The following CTNNA2 variants were observed in gnomAD, a reference collection of about 807,000 sequenced individuals.
The protein encoded by CTNNA2 is catenin alpha-2.
CTNNA2 carries 42 observed loss-of-function variants against 101.0 expected under a neutral mutation model. The observed-to-expected ratio is 0.42, with a 90% CI of 0.32 to 0.54. CTNNA2 has a LOEUF of 0.54. Ranked by LOEUF, CTNNA2 falls within the 20% of genes least tolerant of loss-of-function variation. The pLI, the probability that CTNNA2 is intolerant of heterozygous loss-of-function variation, is 0.14. For missense variants in CTNNA2, 871 were observed against 1,223.1 expected (o/e 0.71, Z 4.29); for synonymous variants, 450 against 456.4 (o/e 0.99, Z 0.18).
chr2:79,861,602 T>C (rs72916697), intron 4 of CTNNA2, among the ~76,000 whole-genome samples: 1,701 of 152,324 alleles, frequency 0.011, 41 homozygotes, highest in African/African-American at 0.039. Flanking sequence ...AGATAACACA[T>C]AGGTATCTTA....
At chr2:79,866,144 A>G (rs760194609) in intron 4 of CTNNA2, among the ~76,000 whole-genome samples, 10 of 152,214 alleles carry the variant, frequency 6.6e-5, no homozygotes, top group African/African-American at 9.6e-5. Flanking sequence ...GGCTTGCTTT[A>G]GGAATGGTGG....
chr2:79,914,124 G>A (rs1298286257), intron 7 of CTNNA2, among the ~76,000 whole-genome samples: 12 of 133,782 alleles, frequency 9.0e-5, no homozygotes, highest in African/African-American at 2.6e-4. Context: ...CCGAGATCCC[G>A]CCACTGCACT....
intron 7 of CTNNA2, among the ~76,000 whole-genome samples, chr2:80,297,218 C>A (rs1294818553): frequency 6.6e-6 from 1 of 152,172 alleles, no homozygotes; most frequent in Non-Finnish European, 1.5e-5. Context: ...CAGTCTAGTT[C>A]TAGGCTCTTT....
chr2:79,510,172 CAATG>C (rs1406962135), upstream of CTNNA2, among the ~76,000 whole-genome samples: 1 of 152,090 alleles, frequency 6.6e-6, no homozygotes. Flanking sequence ...ATACCTTTAA[CAATG>C]ATCCTTTTGT....
chr2:80,054,892 A>G (rs1297562670), intron 7 of CTNNA2, among the ~76,000 whole-genome samples: 1 of 152,132 alleles, frequency 6.6e-6, no homozygotes, highest in Non-Finnish European at 1.5e-5. Flanking sequence ...CTTAGTTTTT[A>G]GTTTCCCATC....
chr2:80,444,910 G>C (rs946117372), intron 9 of CTNNA2, among the ~76,000 whole-genome samples: 1 of 152,114 alleles, frequency 6.6e-6, no homozygotes, highest in Non-Finnish European at 1.5e-5. Context: ...AGGCTAAGCT[G>C]TTTAGCAGCA....
At chr2:80,343,377 C>T (rs1672410405) in intron 7 of CTNNA2, among the ~76,000 whole-genome samples, 1 of 147,894 alleles carries the variant, frequency 6.8e-6, no homozygotes, top group African/African-American at 2.5e-5. Context: ...CTTTGACTGA[C>T]TTTGTCATTT....
intron 1 of CTNNA2, among the ~76,000 whole-genome samples, chr2:79,529,180 G>T (rs1434705381): frequency 6.6e-6 from 1 of 152,144 alleles, no homozygotes; most frequent in Non-Finnish European, 1.5e-5. Flanking sequence ...ACAGTTGCCA[G>T]AGTGCATAGA....
chr2:80,126,939 A>C (rs1005594624), intron 7 of CTNNA2, among the ~76,000 whole-genome samples: 7 of 152,148 alleles, frequency 4.6e-5, no homozygotes, highest in African/African-American at 1.7e-4. Flanking sequence ...TAGGAATGGG[A>C]ACTCTGTTCT....
chr2:79,597,861 A>G (rs997131919), intron 1 of CTNNA2, among the ~76,000 whole-genome samples: 3 of 152,202 alleles, frequency 2.0e-5, no homozygotes, highest in African/African-American at 4.8e-5. Flanking sequence ...GGAGAAATGT[A>G]TAATAACATG....
chr2:80,586,807 C>T (rs1696012780), intron 14 of CTNNA2, among the ~76,000 whole-genome samples: 1 of 152,184 alleles, frequency 6.6e-6, no homozygotes, highest in African/African-American at 2.4e-5. Context: ...TCCAAACATA[C>T]ATACACATGC....
At chr2:80,134,570 T>C (rs1702589740) in intron 7 of CTNNA2, among the ~76,000 whole-genome samples, 1 of 152,178 alleles carries the variant, frequency 6.6e-6, no homozygotes. Context: ...ATTATTCAGA[T>C]GCACAGGGCA....
chr2:79,873,553 C>T (rs1246440425), intron 5 of CTNNA2, among the ~76,000 whole-genome samples: 1 of 151,892 alleles, frequency 6.6e-6, no homozygotes, highest in African/African-American at 2.4e-5. Context: ...TCAGTGGAGC[C>T]CTGTCAGGTG....
At chr2:80,352,469 G>C (rs954678436) in intron 7 of CTNNA2, among the ~76,000 whole-genome samples, 2 of 152,108 alleles carry the variant, frequency 1.3e-5, no homozygotes, top group African/African-American at 4.8e-5. Context: ...TTGGTGATTA[G>C]AAAGCCAACT....
intron 7 of CTNNA2, among the ~76,000 whole-genome samples, chr2:80,116,522 G>T (rs1354584073): frequency 6.6e-6 from 1 of 152,120 alleles, no homozygotes; most frequent in African/African-American, 2.4e-5. Context: ...ATTTGTGTTT[G>T]TACATGTGTA....
intron 1 of CTNNA2, among the ~76,000 whole-genome samples, chr2:79,186,927 A>G (rs1673785069): frequency 6.6e-6 from 1 of 152,184 alleles, no homozygotes. Flanking sequence ...CTGAAAATTC[A>G]GTAAGTGTCC....
chr2:79,833,620 C>T (rs1247829563), intron 3 of CTNNA2, among the ~76,000 whole-genome samples: 2 of 152,150 alleles, frequency 1.3e-5, no homozygotes, highest in African/African-American at 4.8e-5. Flanking sequence ...CTCCTCATGG[C>T]ATGCCACACA....
Position 79,662,321 on chromosome 2 carries a change from A to G in CTNNA2, c.102+10663A>G, listed in dbSNP as rs141747622. 2.4e-4 allele frequency among the ~76,000 whole-genome samples: 36 copies of G among 152,244 alleles called. No individual in the cohort carries two copies. In the East Asian group the frequency reaches 4.9e-3, roughly 21 times the overall value. On this transcript the variant is annotated intron_variant, in intron 2 of 18. Transcript: ENST00000402739. ...AAACCTTAAAAGTATTTTCCATTTC[A>G]GTGAATACTTAGCAAATACTGTCAA...
Position 79,338,575 on chromosome 2 carries a change from A to T in CTNNA2, c.-318+25779A>T, listed in dbSNP as rs981382517. Among the ~76,000 whole-genome samples the T allele has an allele frequency of 3.4e-3, 392 of 115,516 alleles. 3 individuals carry two copies. Among genetic ancestry groups the T allele is most frequent in the African/African-American group, 5.2e-3 (153 of 29,446 alleles). 75.8% of individuals were successfully genotyped at this position (115,516 alleles called of 152,430 possible). ...ATTTTTCTTCTTCTTCTTCCTCCTC[A>T]TCATCTTCTTCTTCTTCTTCTTCTT... On this transcript the variant is annotated intron_variant, in intron 3 of 21. Transcript: ENST00000466387.
Sources: allele counts gnomAD v4.1 joint callset (sites outside exome capture counted in the v4.1 genomes callset), GRCh38; gene constraint gnomAD v4.1.1; transcripts MANE v1.5; gene names NCBI Gene and HGNC (gene_info 2026-07-23, HGNC 2026-07-21).